The following TBC1D16 variants were observed in gnomAD, a reference collection of about 807,000 sequenced individuals.
TBC1D16 encodes the protein TBC1 domain family member 16, also known as CTD-2529O21.1.
TBC1D16 carries 58 observed loss-of-function variants against 74.7 expected under a neutral mutation model. The observed-to-expected ratio is 0.78, with a 90% CI of 0.63 to 0.97. The LOEUF is 0.97. TBC1D16 is among the 50% of genes least tolerant of loss of function. The pLI, the probability that TBC1D16 is intolerant of heterozygous loss-of-function variation, is 0.00. For synonymous variants in TBC1D16, 493 were observed against 474.7 expected, an observed-to-expected ratio of 1.04 and a Z score of -0.50; for missense variants, 1,014 against 1,079.5, an observed-to-expected ratio of 0.94 and a Z score of 0.85.
rs956490564 is a variant in TBC1D16, at chr17:80,007,268, G to A, written c.779+2892C>T. Reference sequence around the variant, plus strand: ...GTAAGCACCCCCCAGCACGGTCTCCGGGTGGGGACGAGTCCCAGGCCAGGC... The same window carrying A: ...GTAAGCACCCCCCAGCACGGTCTCCAGGTGGGGACGAGTCCCAGGCCAGGC... On this transcript the variant is annotated intron_variant, in intron 3 of 11. Transcript: ENST00000310924. This position sits in a 1 kb window ranked among gnomAD's most constrained non-coding sequence, Gnocchi z 4.5. Among the ~76,000 whole-genome samples, 13 of 152,136 alleles carry A rather than the reference G, an allele frequency of 8.5e-5. No homozygotes were observed. The highest frequency in any genetic ancestry group is 3.9e-4 in the East Asian group (2 of 5,172).
At chr17:79,973,702 T>A in intron 3 of TBC1D16, among the ~76,000 whole-genome samples, 1 of 142,498 alleles carries the variant, frequency 7.0e-6, no homozygotes, top group African/African-American at 2.5e-5. Flanking sequence ...AGAGCGAGAC[T>A]CTGTCTCAAA....
At chr17:79,959,510 G>A (rs2033496348) in intron 3 of TBC1D16, among the ~76,000 whole-genome samples, 2 of 152,114 alleles carry the variant, frequency 1.3e-5, no homozygotes, top group South Asian at 4.1e-4. Context: ...GTTTGGTATT[G>A]GTGAAAAGAT....
chr17:79,955,384 C>T (rs973702493), intron 3 of TBC1D16, among the ~76,000 whole-genome samples: 3 of 152,090 alleles, frequency 2.0e-5, no homozygotes, highest in East Asian at 1.9e-4. Context: ...CCTGGCTTGG[C>T]GCAGAACACA....
Position 79,981,766 on chromosome 17 carries a change from T to C in TBC1D16, c.779+28394A>G, listed in dbSNP as rs111858095. Among the ~76,000 whole-genome samples, 498 of 152,322 alleles carry C rather than the reference T, an allele frequency of 3.3e-3. 2 individuals are homozygous for C. Among genetic ancestry groups the C allele is most frequent in the African/African-American group, 0.011 (454 of 41,578 alleles). On this transcript the variant is annotated intron_variant, in intron 3 of 11. Transcript: ENST00000310924. This position sits in a 1 kb window ranked among gnomAD's most constrained non-coding sequence, Gnocchi z 6.9. The stretch of plus-strand genomic sequence containing the variant: ...GTAATCTCAGCAAGAACGTGCTCAC[T>C]GCACATAACGCTGAACCTGCCACGG...
Position 79,952,691 on chromosome 17 carries a change from G to T in TBC1D16, c.907C>A (p.Leu303Met), listed in dbSNP as rs1197460671. 6.2e-7 allele frequency: 1 copy of T among 1,607,756 alleles called. No individual in the cohort carries two copies. Among genetic ancestry groups the T allele is most frequent in the South Asian group, 1.1e-5 (1 of 90,820 alleles). Residue 303 changes from leucine (L) to methionine (M), a missense_variant, in exon 4 of 12, where the codon CTG (leucine) becomes ATG (methionine). Transcript: ENST00000310924. ...AGGCGGAGGGAGCGCATGTGGCCCA[G>T]GTCCACGCGGAACACGCCGCAAATC... ...EQICGVFRVDLGHMRSLRLFF... is the reference protein window; with the variant it reads ...EQICGVFRVDMGHMRSLRLFF...
At position 80,001,864 on chromosome 17, in the gene TBC1D16, C is replaced by G. The variant is rs1468191111; in HGVS notation, c.779+8296G>C. On this transcript the variant is annotated intron_variant, in intron 3 of 11. Coordinates refer to ENST00000310924, the MANE Select transcript of TBC1D16 (RefSeq NM_019020.4). This position sits in a 1 kb window ranked among gnomAD's most constrained non-coding sequence, Gnocchi z 5.8. Reference sequence around the variant, plus strand: ...TCCCTCCACCCCCCGCCTCCTGCTCCCTTCCTCATCCCCTGCTTTGTGTCC... The same window carrying G: ...TCCCTCCACCCCCCGCCTCCTGCTCGCTTCCTCATCCCCTGCTTTGTGTCC... 6.6e-6 allele frequency among the ~76,000 whole-genome samples: 1 copy of G among 151,902 alleles called. No homozygotes were observed. Among genetic ancestry groups the G allele is most frequent in the Admixed American group, 6.6e-5 (1 of 15,258 alleles).
chr17:79,947,670 C>G lies in TBC1D16; in HGVS notation c.1703G>C (p.Arg568Pro). The G allele has an allele frequency of 6.2e-7, 1 of 1,614,120 alleles. No homozygotes were observed. The highest frequency in any genetic ancestry group is 8.5e-7 in the Non-Finnish European group (1 of 1,180,022). Residue 568 changes from arginine (R) to proline (P), a missense_variant, in exon 9 of 12, where the codon CGG becomes CCG. Transcript: ENST00000310924. ...MQNTIFVSSP[R>P]DEDMEKQLLY... ...CAGTTGTTTCTCCATGTCCTCGTCC[C>G]GGGGTGAGCTGACGAAGATCGTGTT...
intron 1 of TBC1D16, among the ~76,000 whole-genome samples, chr17:80,033,934 A>G (rs761493231): frequency 3.9e-5 from 6 of 152,226 alleles, no homozygotes; most frequent in Non-Finnish European, 8.8e-5. Flanking sequence ...TCTGTAAGAC[A>G]GAGGGCAAAG....
At position 79,971,704 on chromosome 17, in the gene TBC1D16, C is replaced by T. The variant is rs1281512584; in HGVS notation, c.780-18886G>A. On this transcript the variant is annotated intron_variant, in intron 3 of 11. Transcript: ENST00000310924. This position sits in a 1 kb window ranked among gnomAD's most constrained non-coding sequence, Gnocchi z 4.6. ...TTCTCTCAAGGAAGACCTGAGGAAG[C>T]TGGTGCCCGACCCACCAGGAGACAT... Among the ~76,000 whole-genome samples the T allele has an allele frequency of 6.6e-6, 1 of 152,196 alleles. No individual in the cohort carries two copies.
chr17:80,010,372 C>A lies in TBC1D16; in HGVS notation c.567G>T (p.Thr189=), dbSNP rs567303828. The A allele has an allele frequency of 1.9e-6, 3 of 1,612,178 alleles. No homozygotes were observed. The East Asian group carries it at 6.7e-5, about 36-fold the overall frequency. The change falls in exon 3 of 12, where the codon ACG becomes ACT. Residue 189 remains threonine, a synonymous_variant. Coordinates refer to ENST00000310924, the MANE Select transcript of TBC1D16 (RefSeq NM_019020.4). This position sits in a 1 kb window ranked among gnomAD's most constrained non-coding sequence, Gnocchi z 8.8. ...CCTCGGTGACATCCTGCGGACTGAC[C>A]GTCGACAAGATCCCGGAGGGGCTGC... ...PACSPSGILS[T]VSPQDVTEEG...
Position 79,941,204 on chromosome 17 carries a change from A to C in TBC1D16, c.2056-97T>G. On this transcript the variant is annotated intron_variant, in intron 11 of 11. Coordinates refer to ENST00000310924, the MANE Select transcript of TBC1D16 (RefSeq NM_019020.4). The surrounding 1 kb of genome is among the most constrained non-coding windows in gnomAD (Gnocchi z 4.3). ...GCCAAAGACAGCAACAGCAGCAACA[A>C]CGGCCTGCACCTCGGGGGCTCACCG... is the stretch of plus-strand genomic sequence containing the variant. 2.5e-6 allele frequency: 3 copies of C among 1,217,936 alleles called. No individual in the cohort carries two copies. The highest frequency in any genetic ancestry group is 3.4e-6 in the Non-Finnish European group (3 of 882,216). The allele number at this position is 1,217,936 out of a possible 1,614,324, so 75.4% of individuals were successfully genotyped here. A position where few individuals can be genotyped will look rare whatever the true frequency, so the allele number is the denominator to read the frequency against.
At chr17:80,012,145 A>T (rs892319234) in intron 2 of TBC1D16, among the ~76,000 whole-genome samples, 14 of 152,182 alleles carry the variant, frequency 9.2e-5, no homozygotes, top group Non-Finnish European at 2.9e-5. Flanking sequence ...GAATCTCCTA[A>T]GCACTGCTCC....
chr17:80,029,694 C>T lies in TBC1D16; in HGVS notation c.-63+6101G>A, dbSNP rs2143407209. 1.3e-5 allele frequency among the ~76,000 whole-genome samples: 2 copies of T among 152,286 alleles called. 1 individual carries two copies. Among genetic ancestry groups the T allele is most frequent in the South Asian group, 4.1e-4 (2 of 4,824 alleles). On this transcript the variant is annotated intron_variant, in intron 1 of 11. Transcript: ENST00000310924. ...GATAAAGAAATGACACAACCGTCTCCCCTCTTGTCTCCTTTTGAAAGCCCT... is the reference window on the plus strand; with the variant it reads ...GATAAAGAAATGACACAACCGTCTCTCCTCTTGTCTCCTTTTGAAAGCCCT...
chr17:79,973,841 C>T (rs1367681503), intron 3 of TBC1D16, among the ~76,000 whole-genome samples: 1 of 152,116 alleles, frequency 6.6e-6, no homozygotes, highest in Non-Finnish European at 1.5e-5. Flanking sequence ...GGCAACAGAG[C>T]AAGACCCTGT....
In TBC1D16 at chr17:80,007,889, T is replaced by C. The variant is rs151338206; in HGVS notation, c.779+2271A>G. ...CTTGGACCCCGAGTGAAGGAGATGGTGCTTCATCCTGAAAATGATGGGCGG... is the reference window on the plus strand; with the variant it reads ...CTTGGACCCCGAGTGAAGGAGATGGCGCTTCATCCTGAAAATGATGGGCGG... On this transcript the variant is annotated intron_variant, in intron 3 of 11. Transcript: ENST00000310924. The surrounding 1 kb of genome is among the most constrained non-coding windows in gnomAD (Gnocchi z 4.5). 0.013 allele frequency among the ~76,000 whole-genome samples: 1,971 copies of C among 152,042 alleles called. 17 individuals are homozygous for C. The highest frequency in any genetic ancestry group is 0.043 in the South Asian group (205 of 4,804).
In TBC1D16 at chr17:79,986,235, C is replaced by T. The variant is rs2034829182; in HGVS notation, c.779+23925G>A. 6.6e-6 allele frequency among the ~76,000 whole-genome samples: 1 copy of T among 152,224 alleles called. No homozygotes were observed. The highest frequency in any genetic ancestry group is 1.5e-5 in the Non-Finnish European group (1 of 68,044). The stretch of plus-strand genomic sequence containing the variant: ...GCAAGCATGGGTGCTGGGTCCACCT[C>T]ACCCACTTGGGGCAAAGCCATCTCT... On this transcript the variant is annotated intron_variant, in intron 3 of 11. Coordinates refer to ENST00000310924, the MANE Select transcript of TBC1D16 (RefSeq NM_019020.4). This position sits in a 1 kb window ranked among gnomAD's most constrained non-coding sequence, Gnocchi z 6.0.
intron 2 of TBC1D16, among the ~76,000 whole-genome samples, chr17:80,012,697 C>G (rs1355587018): frequency 6.6e-6 from 1 of 152,042 alleles, no homozygotes; most frequent in Non-Finnish European, 1.5e-5. Context: ...AGGTGTGAAC[C>G]ACCTCGCCCA....
In TBC1D16 at chr17:79,939,463, T is replaced by C. The variant is rs927053098; in HGVS notation, c.*1396A>G. 1 of 152,164 alleles carries C rather than the reference T, an allele frequency of 6.6e-6. No homozygotes were observed. Among genetic ancestry groups the C allele is most frequent in the Non-Finnish European group, 1.5e-5 (1 of 68,030 alleles). The allele number at this position is 152,164 out of a possible 1,614,324, so 9.4% of individuals were successfully genotyped here. On this transcript the variant is annotated 3_prime_UTR_variant, in exon 12 of 12. Coordinates refer to ENST00000310924, the MANE Select transcript of TBC1D16 (RefSeq NM_019020.4). ...TGCCCACCCTCCAGGGAGAAAAGCT[T>C]TGAGTGGGAAGAAGCCTTCTATCCT...
At chr17:80,028,437 G>A (rs1452222726) in intron 1 of TBC1D16, among the ~76,000 whole-genome samples, 7 of 151,788 alleles carry the variant, frequency 4.6e-5, no homozygotes, top group African/African-American at 1.7e-4. Context: ...GCTGAGGCAG[G>A]AGAATCGCTT....
Sources: allele counts gnomAD v4.1 joint callset (sites outside exome capture counted in the v4.1 genomes callset), GRCh38; gene constraint gnomAD v4.1.1; non-coding constraint Gnocchi (gnomAD v3.1); transcripts MANE v1.5; gene names NCBI Gene and HGNC (gene_info 2026-07-23, HGNC 2026-07-21).